Variants in MADD observed in about 807,000 individuals in gnomAD.
MADD encodes the protein MAP kinase-activating death domain protein.
In MADD, 109 loss-of-function variants were observed where a neutral mutation model predicts 176.7. The ratio of observed to expected loss-of-function variants is 0.62; its 90% CI spans 0.53 to 0.72. The LOEUF (loss-of-function observed/expected upper bound fraction) is 0.72, where lower values mean the gene tolerates loss of function less well. Ranked by LOEUF, MADD falls within the 30% of genes least tolerant of loss-of-function variation. The pLI is 0.00. For synonymous variants in MADD, 771 were observed against 771.3 expected (o/e 1.00, Z 0.01); for missense variants, 1,914 against 2,045.5 (o/e 0.94, Z 1.24).
chr11:47,296,764 G>T lies in MADD; in HGVS notation c.3642+709G>T, dbSNP rs201467483. ...TTGCCGTAGACATCTGTTTTTTGTT[G>T]TTTTTTTTTTTTTTTTTTTTTACAC... On this transcript the variant is annotated intron_variant, in intron 22 of 32. Transcript: ENST00000402192. 4.0e-3 allele frequency among the ~76,000 whole-genome samples: 472 copies of T among 116,940 alleles called. 3 individuals are homozygous for T. The highest frequency in any genetic ancestry group is 4.5e-3 in the Non-Finnish European group (256 of 56,882). The allele number at this position is 116,940 out of a possible 152,430, so 76.7% of individuals were successfully genotyped here. A position where few individuals can be genotyped will look rare whatever the true frequency, so the allele number is the denominator to read the frequency against.
chr11:47,271,231 G>A (rs1193799771), intron 1 of MADD: 1 of 152,208 alleles, frequency 6.6e-6, no homozygotes, highest in Non-Finnish European at 1.5e-5. Flanking sequence ...CGTTGGTTGT[G>A]AAGACAAGAG....
intron 31 of MADD, chr11:47,327,928 A>T: frequency 1.0e-6 from 1 of 983,260 alleles, no homozygotes; most frequent in South Asian, 4.7e-5. Flanking sequence ...GAGCGGGGGG[A>T]CTCTCACTCT....
At chr11:47,321,047 G>A (rs774544305) in intron 27 of MADD, among the ~76,000 whole-genome samples, 2 of 152,092 alleles carry the variant, frequency 1.3e-5, no homozygotes, top group South Asian at 2.1e-4. Context: ...GCTTATATAC[G>A]TTTAAAATTT....
In MADD at chr11:47,325,019, C is replaced by G; in HGVS notation, c.4542+442C>G. 1.9e-6 allele frequency: 1 copy of G among 520,808 alleles called. No homozygotes were observed. Among genetic ancestry groups the G allele is most frequent in the East Asian group, 3.4e-5 (1 of 29,710 alleles). 32.3% of individuals were successfully genotyped at this position (520,808 alleles called of 1,614,324 possible). ...AGCTTGCGTGTGCGTGCGTGCGTGC[C>G]TGCGTGCTTGTGTGTAAGTAGCTTG... On this transcript the variant is annotated intron_variant, in intron 30 of 32. Transcript: ENST00000402192. This position sits in a 1 kb window ranked among gnomAD's most constrained non-coding sequence, Gnocchi z 4.5.
rs1211825779 is a variant in MADD at position 47,326,731 on chromosome 11, C to T, written c.4543-7C>T. 1 of 1,614,042 alleles carries T rather than the reference C, an allele frequency of 6.2e-7. No homozygotes were observed. Among genetic ancestry groups the T allele is most frequent in the Non-Finnish European group, 8.5e-7 (1 of 1,179,898 alleles). Reference sequence around the variant, plus strand: ...GCCTTACCCCGGCCTCCCTCCCTCTCTTGCAGGTTTTCATAGAGCTGAATC... The same window carrying T: ...GCCTTACCCCGGCCTCCCTCCCTCTTTTGCAGGTTTTCATAGAGCTGAATC... On this transcript the variant is annotated splice_polypyrimidine_tract_variant and splice_region_variant and intron_variant, in intron 30 of 32. Transcript: ENST00000402192.
chr11:47,299,827 A>C (rs1414177580), intron 22 of MADD, among the ~76,000 whole-genome samples: 1 of 152,124 alleles, frequency 6.6e-6, no homozygotes, highest in East Asian at 1.9e-4. Context: ...CACAACACCC[A>C]GCCTAATTTT....
intron 27 of MADD, among the ~76,000 whole-genome samples, chr11:47,322,435 G>A (rs930700047): frequency 4.6e-5 from 7 of 151,826 alleles, no homozygotes; most frequent in Admixed American, 2.6e-4. Context: ...GTGAAACCCC[G>A]TCTCTACTTA....
At chr11:47,272,842 A>G (rs75830605) in intron 1 of MADD, among the ~76,000 whole-genome samples, 5,113 of 152,270 alleles carry the variant, frequency 0.034, 121 homozygotes, top group South Asian at 0.12. Context: ...ATCTGTGGGT[A>G]TTGTATTACT....
At chr11:47,275,008 C>G (rs752184946) in exon 3 of MADD, 1 of 1,614,224 alleles carries the variant, frequency 6.2e-7, no homozygotes, top group Non-Finnish European at 8.5e-7. Context: ...GAGCCGCTCC[C>G]GCAACAGTAC....
chr11:47,282,658 T>C, intron 9 of MADD, 42 bp downstream of exon 9: 1 of 1,603,600 alleles, frequency 6.2e-7, no homozygotes, highest in Admixed American at 1.7e-5. Context: ...CTTGTGCCTC[T>C]GTCCTCCTGA....
exon 28 of MADD, chr11:47,323,807 C>T: frequency 6.2e-7 from 1 of 1,614,160 alleles, no homozygotes; most frequent in Non-Finnish European, 8.5e-7. Flanking sequence ...GGCTCTGAGA[C>T]CCAGCTCAAC....
intron 22 of MADD, among the ~76,000 whole-genome samples, chr11:47,307,286 T>A (rs2083606062): frequency 6.6e-6 from 1 of 152,162 alleles, no homozygotes; most frequent in Non-Finnish European, 1.5e-5. Flanking sequence ...TTAAAATAGG[T>A]ATGATGGAGT....
At chr11:47,320,334 T>A (rs866866325) in intron 27 of MADD, among the ~76,000 whole-genome samples, 2 of 151,282 alleles carry the variant, frequency 1.3e-5, no homozygotes, top group Middle Eastern at 6.9e-3. Context: ...TGGGTGCTTG[T>A]AATCCCAGTT....
At chr11:47,279,225 C>G in intron 7 of MADD, 146 bp downstream of exon 7, 1 of 686,048 alleles carries the variant, frequency 1.5e-6, no homozygotes, top group East Asian at 2.9e-5. Flanking sequence ...AAACGCGTAT[C>G]CCATTTCTGG....
intron 7 of MADD, 133 bp downstream of exon 7, chr11:47,279,212 A>G: frequency 1.3e-6 from 1 of 747,776 alleles, no homozygotes; most frequent in Admixed American, 2.5e-5. Flanking sequence ...GATGGGCTTA[A>G]GAAAACGCGT....
At position 47,308,719 on chromosome 11, in the gene MADD, G is replaced by A; in HGVS notation, c.3751+20G>A. On this transcript the variant is annotated intron_variant, in intron 23 of 32. Transcript: ENST00000402192. Reference sequence around the variant, plus strand: ...TCCTAGGTGAGAAACACACTGGGAAGGCCCTTTGCACTGGAGAAAGCTGAC... The same window carrying A: ...TCCTAGGTGAGAAACACACTGGGAAAGCCCTTTGCACTGGAGAAAGCTGAC... 1 of 1,598,678 alleles carries A rather than the reference G, an allele frequency of 6.3e-7. No individual in the cohort carries two copies. The highest frequency in any genetic ancestry group is 8.6e-7 in the Non-Finnish European group (1 of 1,166,712).
intron 30 of MADD, 74 bp from the exon 34 acceptor site, chr11:47,326,470 C>T: frequency 1.6e-6 from 2 of 1,236,754 alleles, no homozygotes; most frequent in Non-Finnish European, 2.1e-6. Context: ...AGGCCAGCAG[C>T]AGGGCCTTCG....
At chr11:47,278,811 G>A (rs1039494867) in intron 6 of MADD, among the ~76,000 whole-genome samples, 188 bp from the exon 7 acceptor site, 2 of 152,012 alleles carry the variant, frequency 1.3e-5, no homozygotes, top group Non-Finnish European at 2.9e-5. Flanking sequence ...ATAACATTAA[G>A]TTATATTTCA....
At chr11:47,311,687 G>T in intron 25 of MADD, 45 bp from the exon 29 acceptor site, 1 of 1,188,020 alleles carries the variant, frequency 8.4e-7, no homozygotes, top group Non-Finnish European at 1.3e-6. Context: ...CCTCAGTCGG[G>T]AGGAGAGCAG....
Sources: allele counts gnomAD v4.1 joint callset (sites outside exome capture counted in the v4.1 genomes callset), GRCh38; gene constraint gnomAD v4.1.1; non-coding constraint Gnocchi (gnomAD v3.1); transcripts MANE v1.5; gene names NCBI Gene and HGNC (gene_info 2026-07-23, HGNC 2026-07-21).